Variants in TFEC observed in about 807,000 individuals in gnomAD.
TFEC encodes class E basic helix-loop-helix protein 34.
TFEC carries 31 observed loss-of-function variants against 41.6 expected under a neutral mutation model. The ratio of observed to expected loss-of-function variants is 0.74; its 90% CI spans 0.56 to 1.01. The LOEUF (loss-of-function observed/expected upper bound fraction) is 1.01, where lower values mean the gene tolerates loss of function less well. Ranked by LOEUF, TFEC falls within the 50% of genes least tolerant of loss-of-function variation. The pLI is 0.00. For synonymous variants in TFEC, 143 were observed against 140.6 expected (o/e 1.02, Z -0.12); for missense variants, 402 against 404.1 (o/e 0.99, Z 0.04).
At chr7:115,981,714 G>T (rs2130657070) in intron 2 of TFEC, among the ~76,000 whole-genome samples, 1 of 152,300 alleles carries the variant, frequency 6.6e-6, no homozygotes, top group East Asian at 1.9e-4. Context: ...TCAGATAACA[G>T]GCGCTAAGCC....
chr7:116,089,800 T>G (rs1797283479), intron 3 of TFEC, among the ~76,000 whole-genome samples: 1 of 152,104 alleles, frequency 6.6e-6, no homozygotes, highest in Non-Finnish European at 1.5e-5. Flanking sequence ...CCACTAGCTA[T>G]GGGGGAAGGA....
In TFEC at chr7:115,971,471, T is replaced by A. The variant is rs186593243; in HGVS notation, c.267+2699A>T. 3.1e-3 allele frequency among the ~76,000 whole-genome samples: 471 copies of A among 152,142 alleles called. 11 individuals are homozygous for A. The highest frequency in any genetic ancestry group is 0.027 in the Admixed American group (406 of 15,234). ...TGTTGATTTTCTCTTTCCCTTTGTT[T>A]CTTTTGTTTTTCCTCACTTTATCTA... On this transcript the variant is annotated intron_variant, in intron 3 of 7. Transcript: ENST00000265440.
chr7:116,043,867 C>G (rs1173682908), intron 3 of TFEC, among the ~76,000 whole-genome samples: 1 of 152,122 alleles, frequency 6.6e-6, no homozygotes, highest in Non-Finnish European at 1.5e-5. Context: ...CTATTGAGCT[C>G]TTCAATTAGT....
intron 3 of TFEC, among the ~76,000 whole-genome samples, chr7:115,968,954 A>G (rs1793003325): frequency 1.3e-5 from 2 of 151,920 alleles, no homozygotes; most frequent in African/African-American, 4.8e-5. Context: ...TTTCACTAAA[A>G]GTATTTTGCA....
intron 1 of TFEC, among the ~76,000 whole-genome samples, chr7:116,027,031 TC>T (rs1165977325): frequency 6.6e-6 from 1 of 152,212 alleles, no homozygotes; most frequent in African/African-American, 2.4e-5. Flanking sequence ...TGACAAACTT[TC>T]TATTGCAGAC....
chr7:115,955,406 T>C (rs1275758763), intron 4 of TFEC, among the ~76,000 whole-genome samples: 12 of 152,094 alleles, frequency 7.9e-5, no homozygotes, highest in Admixed American at 7.9e-4. Flanking sequence ...TGTCATGTCA[T>C]GAGGACACTC....
At chr7:116,055,900 T>A (rs1011199412) in intron 3 of TFEC, among the ~76,000 whole-genome samples, 2 of 152,140 alleles carry the variant, frequency 1.3e-5, no homozygotes, top group Admixed American at 6.6e-5. Context: ...TTGTGTATAC[T>A]ATACCATGCC....
chr7:115,941,234 C>T (rs188925388), intron 7 of TFEC: 99 of 226,496 alleles, frequency 4.4e-4, no homozygotes, highest in African/African-American at 2.2e-3. Context: ...AGCAGAAAGT[C>T]ATCTATTTAT....
intron 3 of TFEC, among the ~76,000 whole-genome samples, chr7:116,078,277 A>G (rs913678202): frequency 6.6e-6 from 1 of 151,756 alleles, no homozygotes; most frequent in Non-Finnish European, 1.5e-5. Context: ...CATCACACAG[A>G]ACTTGAGAAA....
At chr7:115,990,982 A>G (rs892613702) in intron 1 of TFEC, among the ~76,000 whole-genome samples, 2 of 152,194 alleles carry the variant, frequency 1.3e-5, no homozygotes, top group Non-Finnish European at 2.9e-5. Flanking sequence ...AGCCAGAGAG[A>G]AAGGTCAGGT....
chr7:115,987,206 T>G (rs559689440), intron 1 of TFEC, among the ~76,000 whole-genome samples: 9 of 152,132 alleles, frequency 5.9e-5, no homozygotes, highest in Non-Finnish European at 4.4e-5. Context: ...ATCTGTAAAC[T>G]AAGCAGAAGA....
intron 1 of TFEC, among the ~76,000 whole-genome samples, chr7:116,155,998 A>T (rs1798864468): frequency 6.6e-6 from 1 of 152,162 alleles, no homozygotes; most frequent in Non-Finnish European, 1.5e-5. Context: ...TATATTATTT[A>T]TCTTGATTTC....
intron 3 of TFEC, among the ~76,000 whole-genome samples, chr7:116,038,530 A>T (rs1795962263): frequency 6.6e-6 from 1 of 152,088 alleles, no homozygotes; most frequent in African/African-American, 2.4e-5. Context: ...AAATTGGGAA[A>T]GGAAGATTAT....
At chr7:116,139,077 T>G (rs1025035193) in intron 1 of TFEC, among the ~76,000 whole-genome samples, 4 of 152,152 alleles carry the variant, frequency 2.6e-5, no homozygotes, top group African/African-American at 9.7e-5. Flanking sequence ...GGCAGATTGC[T>G]GCACTAGAGG....
chr7:115,954,753 G>A (rs1352852413), intron 4 of TFEC, 111 bp from the exon 5 acceptor site: 7 of 757,248 alleles, frequency 9.2e-6, no homozygotes, highest in Admixed American at 3.3e-5. Context: ...GCTCCAAAAC[G>A]GTACAATAAT....
intron 1 of TFEC, among the ~76,000 whole-genome samples, chr7:116,155,374 G>A (rs1298403433): frequency 1.3e-5 from 2 of 152,160 alleles, no homozygotes; most frequent in Non-Finnish European, 2.9e-5. Context: ...TTTTACAAAA[G>A]GCAATTTCTC....
At chr7:116,024,450 C>T (rs1304114773) in intron 1 of TFEC, among the ~76,000 whole-genome samples, 2 of 152,174 alleles carry the variant, frequency 1.3e-5, no homozygotes, top group Admixed American at 1.3e-4. Context: ...GTTCAGCTTT[C>T]ACCTTGGGAA....
In TFEC at chr7:115,997,645, T is replaced by C. The variant is rs144327692; in HGVS notation, c.-72-13132A>G. Among the ~76,000 whole-genome samples, 548 of 152,222 alleles carry C rather than the reference T, an allele frequency of 3.6e-3. 3 individuals carry two copies. Among genetic ancestry groups the C allele is most frequent in the African/African-American group, 0.013 (526 of 41,526 alleles). ...AACAAATCTCAGAGAAACAGAGATA[T>C]ATGACCTTTCAGGCAAAGAATTCAA... is the stretch of plus-strand genomic sequence containing the variant. On this transcript the variant is annotated intron_variant, in intron 1 of 7. Coordinates refer to ENST00000265440, the MANE Select transcript of TFEC (RefSeq NM_012252.4).
At chr7:115,955,180 T>C (rs1310897820) in intron 4 of TFEC, among the ~76,000 whole-genome samples, 1 of 151,970 alleles carries the variant, frequency 6.6e-6, no homozygotes, top group Non-Finnish European at 1.5e-5. Flanking sequence ...CCTGTATATA[T>C]GGTGTGGTTG....
Sources: gnomAD v4.1 joint callset for allele counts (sites outside exome capture counted in the v4.1 genomes callset) on GRCh38, gnomAD v4.1.1 for gene constraint, MANE v1.5 for transcripts, NCBI Gene and HGNC (gene_info 2026-07-23, HGNC 2026-07-21) for gene names.